Variants in IGF1R observed in about 807,000 individuals in gnomAD.
IGF1R encodes insulin-like growth factor 1 receptor.
In IGF1R, 44 loss-of-function variants were observed where a neutral mutation model predicts 144.6. The ratio of observed to expected loss-of-function variants is 0.30; its 90% CI spans 0.24 to 0.39. The LOEUF (loss-of-function observed/expected upper bound fraction) is 0.39. IGF1R is among the 10% of genes least tolerant of loss of function. The probability of loss-of-function intolerance (pLI) is 1.00; values close to 1 mark genes in which losing one functional copy is unlikely to be tolerated. For missense variants in IGF1R, 1,355 were observed against 1,833.7 expected (o/e 0.74, Z 4.77); for synonymous variants, 795 against 722.8 (o/e 1.10, Z -1.60).
intron 13 of IGF1R, among the ~76,000 whole-genome samples, chr15:98,928,306 A>T (rs1253371179): frequency 6.6e-6 from 1 of 152,174 alleles, no homozygotes; most frequent in Non-Finnish European, 1.5e-5. Context: ...ACTTCTTTGT[A>T]GGTCTGAACT....
intron 2 of IGF1R, among the ~76,000 whole-genome samples, chr15:98,859,506 T>G (rs979026706): frequency 6.6e-6 from 1 of 152,220 alleles, no homozygotes; most frequent in African/African-American, 2.4e-5. Flanking sequence ...AATGAAACTT[T>G]CCAGTTCGTA....
At chr15:98,700,401 G>GAGGGT (rs2053698747) in intron 1 of IGF1R, among the ~76,000 whole-genome samples, 1 of 152,182 alleles carries the variant, frequency 6.6e-6, no homozygotes, top group African/African-American at 2.4e-5. Flanking sequence ...GGTGGGTAGG[G>GAGGGT]AGGGTAGTGA....
At chr15:98,805,518 G>GTGTC (rs1415640469) in intron 2 of IGF1R, among the ~76,000 whole-genome samples, 2 of 152,086 alleles carry the variant, frequency 1.3e-5, no homozygotes, top group African/African-American at 4.8e-5. Context: ...GTGTGTGTGT[G>GTGTC]TGTGATTCAG....
chr15:98,881,311 A>T (rs762860762), intron 2 of IGF1R, among the ~76,000 whole-genome samples: 12 of 152,008 alleles, frequency 7.9e-5, no homozygotes, highest in Non-Finnish European at 1.3e-4. Flanking sequence ...TATTTTTAAA[A>T]TATTCATTCA....
intron 19 of IGF1R, among the ~76,000 whole-genome samples, chr15:98,946,688 G>T (rs772990271): frequency 6.6e-6 from 1 of 152,212 alleles, no homozygotes; most frequent in Non-Finnish European, 1.5e-5. Context: ...GCACAAATCG[G>T]AGTTCAGTGT....
chr15:98,722,708 T>C (rs1324587053), intron 2 of IGF1R, among the ~76,000 whole-genome samples: 1 of 152,234 alleles, frequency 6.6e-6, no homozygotes, highest in East Asian at 1.9e-4. Flanking sequence ...TGGTAGTTTC[T>C]ACTTTGTGCC....
intron 1 of IGF1R, among the ~76,000 whole-genome samples, chr15:98,657,476 GTC>G (rs1215191505): frequency 6.6e-6 from 1 of 152,126 alleles, no homozygotes; most frequent in Admixed American, 6.5e-5. Flanking sequence ...ATTTCCCTGA[GTC>G]TCATTTTAGT....
At chr15:98,799,265 G>A (rs896740839) in intron 2 of IGF1R, among the ~76,000 whole-genome samples, 5 of 151,630 alleles carry the variant, frequency 3.3e-5, no homozygotes, top group Non-Finnish European at 7.4e-5. Flanking sequence ...TTCTCCACCC[G>A]TAAAGTACGT....
intron 2 of IGF1R, among the ~76,000 whole-genome samples, chr15:98,748,331 A>G (rs1198122540): frequency 3.3e-5 from 5 of 152,054 alleles, no homozygotes; most frequent in African/African-American, 1.2e-4. Context: ...CTTGCCCAGC[A>G]AATTTATTAT....
rs565318325 is a variant in IGF1R, at chr15:98,670,923, C to T, written c.94+21248C>T. Among the ~76,000 whole-genome samples, 204 of 152,294 alleles carry T rather than the reference C, an allele frequency of 1.3e-3. No individual in the cohort carries two copies. In the South Asian group the frequency reaches 0.015, roughly 11 times the overall value. ...GTAGAAAATAACTGGAAATATTTCA[C>T]AAGCTCCAGTAGCTTCCTGTTGTAG... On this transcript the variant is annotated intron_variant, in intron 1 of 20. Coordinates refer to ENST00000650285, the MANE Select transcript of IGF1R (RefSeq NM_000875.5).
At chr15:98,909,583 G>T (rs944896978) in intron 6 of IGF1R, among the ~76,000 whole-genome samples, 3 of 152,186 alleles carry the variant, frequency 2.0e-5, no homozygotes, top group Non-Finnish European at 4.4e-5. Context: ...GGAAGAGCCA[G>T]TGTGCTTCAG....
intron 2 of IGF1R, among the ~76,000 whole-genome samples, chr15:98,837,071 G>T (rs561650481): frequency 1.3e-5 from 2 of 152,124 alleles, no homozygotes. Flanking sequence ...CAGATGTCTC[G>T]TTTCTCTTTT....
At chr15:98,777,397 G>C (rs888577747) in intron 2 of IGF1R, among the ~76,000 whole-genome samples, 1 of 152,236 alleles carries the variant, frequency 6.6e-6, no homozygotes, top group Admixed American at 6.5e-5. Context: ...TCAGTTCCAG[G>C]GTTTGGGAGT....
chr15:98,899,117 G>GT (rs2014343936), intron 4 of IGF1R, among the ~76,000 whole-genome samples: 1 of 152,228 alleles, frequency 6.6e-6, no homozygotes, highest in African/African-American at 2.4e-5. Context: ...CCCTTGTACT[G>GT]TGGGGGCCAT....
rs759702503 is a variant in IGF1R, at chr15:98,934,809, C to T, written c.2957-15C>T. ...CTTGTTTCTGTACCTGCTTTAATTA[C>T]GGTTTCTTCTCCAGTGTACGTTCCT... On this transcript the variant is annotated splice_polypyrimidine_tract_variant and intron_variant, in intron 15 of 20. Transcript: ENST00000650285. 6.6e-5 allele frequency: 106 copies of T among 1,607,802 alleles called. No homozygotes were observed. The highest frequency in any genetic ancestry group is 3.3e-4 in the East Asian group (15 of 44,862).
At chr15:98,899,408 TG>T (rs916571780) in intron 4 of IGF1R, 68 bp from the exon 5 acceptor site, 1 of 1,516,024 alleles carries the variant, frequency 6.6e-7, no homozygotes, top group Non-Finnish European at 9.2e-7. Flanking sequence ...CACTTGTGTT[TG>T]TAAGAATCCA....
intron 1 of IGF1R, among the ~76,000 whole-genome samples, chr15:98,683,084 T>C (rs2053231779): frequency 6.6e-6 from 1 of 151,498 alleles, no homozygotes; most frequent in Non-Finnish European, 1.5e-5. Context: ...TTTCTCTTTC[T>C]GTGGTTATAG....
chr15:98,869,953 G>A (rs1465313342), intron 2 of IGF1R, among the ~76,000 whole-genome samples: 2 of 152,290 alleles, frequency 1.3e-5, no homozygotes, highest in East Asian at 3.9e-4. Context: ...CCCGCAAGGA[G>A]CTTACAATGT....
At position 98,924,084 on chromosome 15, in the gene IGF1R, A is replaced by G. The variant is rs1247759251; in HGVS notation, c.2622+72A>G. 6.4e-6 allele frequency: 9 copies of G among 1,410,748 alleles called. No individual in the cohort carries two copies. In the Admixed American group the frequency reaches 1.3e-4, roughly 21 times the overall value. The allele number at this position is 1,410,748 out of a possible 1,614,324, so 87.4% of individuals were successfully genotyped here. A position where few individuals can be genotyped will look rare whatever the true frequency, so the allele number is the denominator to read the frequency against. ...GACAGCATATGCTACCTGACTGCAC[A>G]GGTTACCTCCTGGTTAGCATAGGAC... On this transcript the variant is annotated intron_variant, in intron 12 of 20. Coordinates refer to ENST00000650285, the MANE Select transcript of IGF1R (RefSeq NM_000875.5).
Sources: allele counts gnomAD v4.1 joint callset (sites outside exome capture counted in the v4.1 genomes callset), GRCh38; gene constraint gnomAD v4.1.1; transcripts MANE v1.5; gene names NCBI Gene and HGNC (gene_info 2026-07-23, HGNC 2026-07-21).